UPP2: variants seen among roughly 807,000 people sequenced by gnomAD.
The protein encoded by UPP2 is uridine phosphorylase 2.
A neutral mutation model predicts 26.7 loss-of-function variants in UPP2; 23 were observed. That is an observed-to-expected ratio of 0.86 (90% CI 0.62 to 1.22). UPP2 has a LOEUF of 1.22. UPP2 is among the 50% of genes most tolerant of loss of function. The probability of loss-of-function intolerance (pLI) is 0.00; values close to 1 mark genes in which losing one functional copy is unlikely to be tolerated. For synonymous variants in UPP2, 127 were observed against 141.3 expected, an observed-to-expected ratio of 0.90 and a Z score of 0.72; for missense variants, 387 against 396.7, an observed-to-expected ratio of 0.98 and a Z score of 0.21.
intron 2 of UPP2, among the ~76,000 whole-genome samples, chr2:158,114,563 A>G (rs947194306): frequency 2.6e-5 from 4 of 152,238 alleles, no homozygotes; most frequent in Non-Finnish European, 5.9e-5. Context: ...GGCTTGTTCC[A>G]TGAGAATTTC....
chr2:158,012,341 C>T (rs1218921818), intron 2 of UPP2, among the ~76,000 whole-genome samples: 1 of 138,884 alleles, frequency 7.2e-6, no homozygotes, highest in Admixed American at 8.5e-5. Flanking sequence ...GATCTCGGCT[C>T]GCTGCAACCT....
intron 4 of UPP2, among the ~76,000 whole-genome samples, chr2:158,120,348 A>C (rs1683537624): frequency 6.6e-6 from 1 of 152,042 alleles, no homozygotes; most frequent in Non-Finnish European, 1.5e-5. Context: ...GACTAATAAA[A>C]CTTTATTTAC....
intron 2 of UPP2, among the ~76,000 whole-genome samples, chr2:157,998,190 G>A (rs908333321): frequency 6.6e-6 from 1 of 152,072 alleles, no homozygotes; most frequent in Non-Finnish European, 1.5e-5. Flanking sequence ...ATTTAATGGG[G>A]ATGCCATGCC....
chr2:158,022,767 C>T (rs1683772688), intron 3 of UPP2, among the ~76,000 whole-genome samples: 1 of 152,190 alleles, frequency 6.6e-6, no homozygotes, highest in African/African-American at 2.4e-5. Flanking sequence ...GTACGATAGT[C>T]AGCTTGCATC....
At chr2:158,126,731 A>G (rs565311728) in intron 6 of UPP2, 2 of 152,332 alleles carry the variant, frequency 1.3e-5, no homozygotes, top group Non-Finnish European at 2.9e-5. Context: ...GAATGCATTC[A>G]TGGACAGCTG....
chr2:158,103,081 A>G (rs1392965352), intron 1 of UPP2, among the ~76,000 whole-genome samples: 1 of 152,228 alleles, frequency 6.6e-6, no homozygotes, highest in Non-Finnish European at 1.5e-5. Context: ...TAAAAATTAT[A>G]TATTTTGGAA....
chr2:158,095,411 T>A (rs965968206), intron 3 of UPP2, among the ~76,000 whole-genome samples: 1 of 152,192 alleles, frequency 6.6e-6, no homozygotes, highest in African/African-American at 2.4e-5. Context: ...GAGATGTTCC[T>A]TACATCCCAG....
intron 3 of UPP2, among the ~76,000 whole-genome samples, chr2:158,053,597 G>C (rs1682193560): frequency 6.6e-6 from 1 of 152,176 alleles, no homozygotes; most frequent in Non-Finnish European, 1.5e-5. Context: ...TGGATGGATG[G>C]AAGGATGGAT....
intron 3 of UPP2, among the ~76,000 whole-genome samples, chr2:158,057,588 T>C (rs974705894): frequency 6.6e-6 from 1 of 152,118 alleles, no homozygotes; most frequent in Non-Finnish European, 1.5e-5. Context: ...CCCTTATTAA[T>C]ATCCTATATT....
At chr2:158,105,881 GT>G (rs1426753720) in intron 1 of UPP2, among the ~76,000 whole-genome samples, 2 of 152,212 alleles carry the variant, frequency 1.3e-5, no homozygotes, top group African/African-American at 2.4e-5. Flanking sequence ...GGACAAATGA[GT>G]TAATGCATTT....
chr2:158,027,682 A>C (rs748865454), intron 3 of UPP2, among the ~76,000 whole-genome samples: 1 of 151,998 alleles, frequency 6.6e-6, no homozygotes. Context: ...GGGGGATCTG[A>C]CCCCACATTT....
At chr2:158,116,896 C>T (rs1305437105) in intron 3 of UPP2, among the ~76,000 whole-genome samples, 1 of 152,040 alleles carries the variant, frequency 6.6e-6, no homozygotes, top group Non-Finnish European at 1.5e-5. Context: ...GCAATGGGAA[C>T]CAGAAAGGGG....
intron 2 of UPP2, among the ~76,000 whole-genome samples, chr2:158,008,093 G>A (rs1020343334): frequency 1.3e-5 from 2 of 152,308 alleles, no homozygotes; most frequent in African/African-American, 4.8e-5. Flanking sequence ...AAAGTTAATG[G>A]GAAGTAAAGA....
chr2:158,128,350 T>G (rs1210577964), intron 6 of UPP2, among the ~76,000 whole-genome samples: 1 of 152,194 alleles, frequency 6.6e-6, no homozygotes, highest in Non-Finnish European at 1.5e-5. Context: ...CAATGAAGGA[T>G]ATTGGACTCT....
intron 2 of UPP2, among the ~76,000 whole-genome samples, chr2:158,013,281 C>G (rs1443163361): frequency 6.6e-6 from 1 of 152,210 alleles, no homozygotes; most frequent in Non-Finnish European, 1.5e-5. Context: ...CAGGCATGAG[C>G]CATCACACCT....
At chr2:158,099,670 G>A (rs1327997680), upstream of UPP2, among the ~76,000 whole-genome samples, 1 of 152,158 alleles carries the variant, frequency 6.6e-6, no homozygotes, top group Non-Finnish European at 1.5e-5. Flanking sequence ...ATGGTCTCAG[G>A]GAGGCCTAAA....
intron 6 of UPP2, among the ~76,000 whole-genome samples, chr2:158,132,280 C>T (rs753631202): frequency 7.2e-5 from 11 of 152,288 alleles, no homozygotes; most frequent in Admixed American, 2.0e-4. Context: ...TCAGTCTGAC[C>T]GATGGGTCAG....
chr2:158,023,841 G>T (rs1448387190), intron 3 of UPP2, among the ~76,000 whole-genome samples: 3 of 152,188 alleles, frequency 2.0e-5, no homozygotes, highest in Non-Finnish European at 2.9e-5. Flanking sequence ...AGCCTCCTAT[G>T]TTCAAGCAGC....
intron 3 of UPP2, among the ~76,000 whole-genome samples, chr2:158,117,209 C>T (rs1335920947): frequency 6.6e-6 from 1 of 151,772 alleles, no homozygotes; most frequent in Non-Finnish European, 1.5e-5. Flanking sequence ...TTTCTGGTGA[C>T]ATTGATTCCA....
Sources: gnomAD v4.1 joint callset for allele counts (sites outside exome capture counted in the v4.1 genomes callset) on GRCh38, gnomAD v4.1.1 for gene constraint, MANE v1.5 for transcripts, NCBI Gene and HGNC (gene_info 2026-07-23, HGNC 2026-07-21) for gene names.